Variants in DCBLD2 observed in about 807,000 individuals in gnomAD.
The protein encoded by DCBLD2 is discoidin, CUB and LCCL domain-containing protein 2.
A neutral mutation model predicts 86.8 loss-of-function variants in DCBLD2; 54 were observed. That is an observed-to-expected ratio of 0.62 (90% CI 0.50 to 0.78). DCBLD2 has a LOEUF of 0.78. Among genes scored for constraint, DCBLD2 ranks in the 30% least tolerant of loss-of-function variants. DCBLD2 has a pLI of 0.00. For missense variants in DCBLD2, 908 were observed against 954.2 expected (o/e 0.95, Z 0.64); for synonymous variants, 354 against 341.3 (o/e 1.04, Z -0.41).
intron 3 of DCBLD2, among the ~76,000 whole-genome samples, chr3:98,826,416 C>T (rs1942222206): frequency 6.6e-6 from 1 of 152,262 alleles, no homozygotes; most frequent in Non-Finnish European, 1.5e-5. Context: ...TCTCTAAGAG[C>T]TCAGCTTCAC....
chr3:98,869,182 A>T (rs1943214998), intron 2 of DCBLD2, among the ~76,000 whole-genome samples: 1 of 152,116 alleles, frequency 6.6e-6, no homozygotes, highest in Admixed American at 6.5e-5. Context: ...TGCAGTTTTA[A>T]TTTGCATTTC....
In DCBLD2 at chr3:98,829,017, A is replaced by C. The variant is rs141953355; in HGVS notation, c.572-3651T>G. On this transcript the variant is annotated intron_variant, in intron 3 of 15. Transcript: ENST00000326840. ...CCTAGGATTGTAGGGGGTTAAGAGG[A>C]GAGAAATGGGGAATAACTGCTACTA... Among the ~76,000 whole-genome samples, 153 of 152,316 alleles carry C rather than the reference A, an allele frequency of 1.0e-3. 1 individual carries two copies. The East Asian group carries it at 0.027, about 26-fold the overall frequency.
At position 98,849,586 on chromosome 3, in the gene DCBLD2, C is replaced by G; in HGVS notation, c.446G>C (p.Gly149Ala). ...TGAATGGTTCATTTGCAACCCCAGACCACAGTATTTGCCTAGGAATGAAAG... is the reference window on the plus strand; with the variant it reads ...TGAATGGTTCATTTGCAACCCCAGAGCACAGTATTTGCCTAGGAATGAAAG... ...VSRTEIGKYCGLGLQMNHSIE... is the reference protein window; with the variant it reads ...VSRTEIGKYCALGLQMNHSIE... The change falls in exon 3 of 16, where the codon GGT (glycine) becomes GCT (alanine). Residue 149 changes from glycine to alanine, a missense_variant. Physicochemically the swap from Gly to Ala is moderately conservative, Grantham distance 60 (BLOSUM62 0). This residue lies in a region of DCBLD2 where 294 missense variants were observed against 256.0 expected (regional missense o/e 1.15). Coordinates refer to ENST00000326840, the MANE Select transcript of DCBLD2 (RefSeq NM_080927.4). 1 of 1,611,162 alleles carries G rather than the reference C, an allele frequency of 6.2e-7. No individual in the cohort carries two copies.
chr3:98,800,453 C>T (rs1452859153), intron 15 of DCBLD2, 126 bp downstream of exon 15: 5 of 1,102,708 alleles, frequency 4.5e-6, no homozygotes, highest in Non-Finnish European at 6.4e-6. Context: ...AGTGGTTCTA[C>T]CTTTAGGAAA....
At chr3:98,849,368 C>A in intron 3 of DCBLD2, 93 bp downstream of exon 3, 1 of 1,504,292 alleles carries the variant, frequency 6.6e-7, no homozygotes, top group East Asian at 2.3e-5. Flanking sequence ...CTGCTCTATT[C>A]CAATTTCAGA....
Position 98,799,296 on chromosome 3 carries a change from A to C in DCBLD2, c.*76T>G. ...GTGACAGTTATGTAATACATTCTAT[A>C]TATTACTACCACTAATAATTAAAAA... On this transcript the variant is annotated 3_prime_UTR_variant, in exon 16 of 16. Transcript: ENST00000326840. 2.2e-6 allele frequency: 3 copies of C among 1,350,734 alleles called. No homozygotes were observed. Among genetic ancestry groups the C allele is most frequent in the Non-Finnish European group, 3.0e-6 (3 of 997,062 alleles). 83.7% of individuals were successfully genotyped at this position (1,350,734 alleles called of 1,614,324 possible). A position where few individuals can be genotyped will look rare whatever the true frequency, so the allele number is the denominator to read the frequency against.
chr3:98,809,359 G>A (rs1219492841), intron 12 of DCBLD2, among the ~76,000 whole-genome samples: 1 of 151,998 alleles, frequency 6.6e-6, no homozygotes, highest in East Asian at 1.9e-4. Context: ...TAAAACAACT[G>A]TATCCAAAAG....
At chr3:98,823,593 A>G (rs1466432271) in intron 4 of DCBLD2, among the ~76,000 whole-genome samples, 5 of 152,038 alleles carry the variant, frequency 3.3e-5, no homozygotes, top group Non-Finnish European at 7.4e-5. Context: ...CAGTGGTAGA[A>G]GACATTAAAC....
intron 3 of DCBLD2, among the ~76,000 whole-genome samples, chr3:98,828,255 G>T (rs913600071): frequency 2.0e-5 from 3 of 152,066 alleles, no homozygotes; most frequent in Admixed American, 1.3e-4. Context: ...ACACCATTAA[G>T]AAAGAGAAAG....
rs1328181094 is a variant in DCBLD2 at position 98,839,144 on chromosome 3, CTTCT to C, written c.571+10313_571+10316del. On this transcript the variant is annotated intron_variant, in intron 3 of 15. Coordinates refer to ENST00000326840, the MANE Select transcript of DCBLD2 (RefSeq NM_080927.4). The stretch of plus-strand genomic sequence containing the variant: ...TTTTCTTTCTTTCCTTCCTTCCTTC[CTTCT>C]TTCTTTCTTTCTTTCTTTCTTTCCT... Among the ~76,000 whole-genome samples, 89 of 111,040 alleles carry C rather than the reference CTTCT, an allele frequency of 8.0e-4. 2 individuals are homozygous for C. The highest frequency in any genetic ancestry group is 3.0e-3 in the African/African-American group (85 of 28,480). The allele number at this position is 111,040 out of a possible 152,430, so 72.8% of individuals were successfully genotyped here.
chr3:98,898,833 T>C (rs2107536520), intron 1 of DCBLD2, among the ~76,000 whole-genome samples: 1 of 152,288 alleles, frequency 6.6e-6, no homozygotes, highest in African/African-American at 2.4e-5. Flanking sequence ...CTCAAATAAT[T>C]GTGAGTTTTC....
At chr3:98,877,732 G>A (rs1409595785) in intron 2 of DCBLD2, among the ~76,000 whole-genome samples, 1 of 152,060 alleles carries the variant, frequency 6.6e-6, no homozygotes, top group Non-Finnish European at 1.5e-5. Flanking sequence ...AAAGAACCAG[G>A]GTTCCCTGAA....
intron 3 of DCBLD2, among the ~76,000 whole-genome samples, chr3:98,834,142 CTTTT>C (rs10588325): frequency 6.6e-4 from 82 of 124,900 alleles, no homozygotes; most frequent in African/African-American, 1.1e-3. Context: ...GAGTTGTTTT[CTTTT>C]TTTTTTTTTT....
chr3:98,809,301 G>A (rs1156846127), intron 12 of DCBLD2, among the ~76,000 whole-genome samples: 1 of 151,456 alleles, frequency 6.6e-6, no homozygotes, highest in African/African-American at 2.4e-5. Context: ...TGGGGGCTCA[G>A]AGCCGGACAC....
At position 98,825,382 on chromosome 3, in the gene DCBLD2, TA is replaced by T. The variant is rs1313294621; in HGVS notation, c.572-17del. 1 of 1,498,340 alleles carries T rather than the reference TA, an allele frequency of 6.7e-7. No individual in the cohort carries two copies. The highest frequency in any genetic ancestry group is 1.3e-5 in the South Asian group (1 of 74,706). The allele number at this position is 1,498,340 out of a possible 1,614,324, so 92.8% of individuals were successfully genotyped here. A position where few individuals can be genotyped will look rare whatever the true frequency, so the allele number is the denominator to read the frequency against. ...GTAATTAGATCTAGAAAAACAAAAA[TA>T]AAAAACTGATTCCATTAATATACAG... On this transcript the variant is annotated splice_polypyrimidine_tract_variant and intron_variant, in intron 3 of 15. Coordinates refer to ENST00000326840, the MANE Select transcript of DCBLD2 (RefSeq NM_080927.4).
intron 9 of DCBLD2, chr3:98,815,780 T>C (rs980941751): frequency 2.6e-5 from 4 of 152,028 alleles, no homozygotes; most frequent in African/African-American, 9.7e-5. Context: ...TGGATGGGAT[T>C]AACAGATTAG....
chr3:98,844,163 A>G (rs1942676837), intron 3 of DCBLD2, among the ~76,000 whole-genome samples: 1 of 152,164 alleles, frequency 6.6e-6, no homozygotes, highest in East Asian at 1.9e-4. Context: ...TATAACTACA[A>G]CTTAAAAAAT....
At chr3:98,849,732 T>C in intron 2 of DCBLD2, 134 bp from the exon 3 acceptor site, 2 of 978,918 alleles carry the variant, frequency 2.0e-6, no homozygotes, top group Non-Finnish European at 2.9e-6. Flanking sequence ...CTAAAATGTT[T>C]AATGATTACC....
At chr3:98,891,659 T>C (rs571154065) in intron 1 of DCBLD2, among the ~76,000 whole-genome samples, 3 of 152,240 alleles carry the variant, frequency 2.0e-5, no homozygotes, top group East Asian at 3.9e-4. Context: ...CCTGATTCCC[T>C]TTCTGGTCTC....
Sources: allele counts gnomAD v4.1 joint callset (sites outside exome capture counted in the v4.1 genomes callset), GRCh38; gene constraint gnomAD v4.1.1; regional missense constraint gnomAD v4.1.1; transcripts MANE v1.5; gene names NCBI Gene and HGNC (gene_info 2026-07-23, HGNC 2026-07-21).